The following FSTL5 variants were observed in gnomAD, a reference collection of about 807,000 sequenced individuals.
The protein encoded by FSTL5 is follistatin-related protein 5.
A neutral mutation model predicts 89.1 loss-of-function variants in FSTL5; 62 were observed. The ratio of observed to expected loss-of-function variants is 0.70; its 90% CI spans 0.57 to 0.86. FSTL5 has a LOEUF of 0.86. Among genes scored for constraint, FSTL5 ranks in the 40% least tolerant of loss-of-function variants. The pLI is 0.00. For missense variants in FSTL5, 1,057 were observed against 1,001.6 expected (o/e 1.06, Z -0.75); for synonymous variants, 383 against 346.2 (o/e 1.11, Z -1.18).
At chr4:161,952,662 C>T (rs528207639) in intron 3 of FSTL5, among the ~76,000 whole-genome samples, 4 of 151,950 alleles carry the variant, frequency 2.6e-5, no homozygotes, top group South Asian at 2.1e-4. Context: ...AAATTCAATA[C>T]ATTAATTAAA....
intron 4 of FSTL5, among the ~76,000 whole-genome samples, chr4:161,881,007 A>G (rs1210308814): frequency 6.6e-6 from 1 of 151,972 alleles, no homozygotes; most frequent in Non-Finnish European, 1.5e-5. Flanking sequence ...AAAGCGCAAT[A>G]GAAGGGTGCG....
At chr4:161,443,547 T>C (rs1357192335) in intron 15 of FSTL5, among the ~76,000 whole-genome samples, 1 of 151,926 alleles carries the variant, frequency 6.6e-6, no homozygotes, top group African/African-American at 2.4e-5. Context: ...GTATGACATT[T>C]CCTATTGGAG....
chr4:162,013,833 T>G (rs973992125), intron 3 of FSTL5, among the ~76,000 whole-genome samples: 3 of 152,082 alleles, frequency 2.0e-5, no homozygotes, highest in Admixed American at 1.3e-4. Context: ...ATGGTGGCAT[T>G]TGAAAAACTT....
At chr4:161,459,613 C>T (rs1733490591) in intron 13 of FSTL5, among the ~76,000 whole-genome samples, 1 of 152,014 alleles carries the variant, frequency 6.6e-6, no homozygotes, top group South Asian at 2.1e-4. Context: ...ACACAGCTTT[C>T]AGTTCATTCA....
At chr4:161,828,865 A>G (rs1234997477) in intron 4 of FSTL5, among the ~76,000 whole-genome samples, 1 of 152,084 alleles carries the variant, frequency 6.6e-6, no homozygotes, top group Admixed American at 6.6e-5. Flanking sequence ...ATACAAAGAA[A>G]GAACAGAGAG....
At chr4:161,688,852 C>A (rs1464463069) in intron 6 of FSTL5, among the ~76,000 whole-genome samples, 1 of 152,034 alleles carries the variant, frequency 6.6e-6, no homozygotes, top group African/African-American at 2.4e-5. Context: ...AATTATAATC[C>A]TTTTTAATTG....
chr4:161,409,677 G>A (rs1181595364), intron 15 of FSTL5, among the ~76,000 whole-genome samples: 3 of 152,154 alleles, frequency 2.0e-5, no homozygotes, highest in African/African-American at 7.2e-5. Context: ...ACCGCACCCA[G>A]ACAGGAATAT....
intron 6 of FSTL5, among the ~76,000 whole-genome samples, chr4:161,752,226 CAGATAGAT>C (rs74281503): frequency 0.021 from 2,955 of 139,038 alleles, 43 homozygotes; most frequent in Admixed American, 0.044. Flanking sequence ...GATAGATGGA[CAGATAGAT>C]AGATAGATAG....
intron 4 of FSTL5, among the ~76,000 whole-genome samples, chr4:161,908,485 T>C (rs766272048): frequency 6.6e-6 from 1 of 152,082 alleles, no homozygotes; most frequent in Non-Finnish European, 1.5e-5. Context: ...CAATTAATTA[T>C]ACTGATGCTC....
chr4:161,835,333 C>T (rs1459678845), intron 4 of FSTL5, among the ~76,000 whole-genome samples: 1 of 152,028 alleles, frequency 6.6e-6, no homozygotes, highest in African/African-American at 2.4e-5. Context: ...AACATTAGAC[C>T]TAAAACCATA....
intron 6 of FSTL5, among the ~76,000 whole-genome samples, chr4:161,703,230 A>G (rs190898770): frequency 6.6e-6 from 1 of 152,196 alleles, no homozygotes; most frequent in East Asian, 1.9e-4. Context: ...GCATTTTGTT[A>G]CAACAGCACT....
intron 2 of FSTL5, among the ~76,000 whole-genome samples, chr4:162,056,385 C>T (rs1465167263): frequency 6.6e-6 from 1 of 151,484 alleles, no homozygotes; most frequent in Non-Finnish European, 1.5e-5. Flanking sequence ...TATATTTTAG[C>T]ATGCAGGTAT....
intron 3 of FSTL5, among the ~76,000 whole-genome samples, chr4:162,019,854 A>G (rs966483260): frequency 1.1e-4 from 16 of 150,204 alleles, no homozygotes; most frequent in African/African-American, 3.4e-4. Flanking sequence ...ATATTTACAT[A>G]TAGAAGTATA....
chr4:161,775,838 TA>T (rs1741388517), intron 5 of FSTL5, 39 bp downstream of exon 5: 1 of 1,022,190 alleles, frequency 9.8e-7, no homozygotes. Context: ...TTGTGCATGC[TA>T]TATTTCAGTA....
chr4:161,471,247 G>A (rs1358199721), intron 13 of FSTL5, among the ~76,000 whole-genome samples: 1 of 152,108 alleles, frequency 6.6e-6, no homozygotes, highest in Non-Finnish European at 1.5e-5. Flanking sequence ...CTAGTTTTTT[G>A]AGTATTTTTA....
At chr4:161,648,388 A>C (rs1736224284) in intron 7 of FSTL5, among the ~76,000 whole-genome samples, 1 of 152,176 alleles carries the variant, frequency 6.6e-6, no homozygotes, top group African/African-American at 2.4e-5. Flanking sequence ...GCAGCGGGGC[A>C]TGAAGAAGTG....
chr4:161,401,686 G>A (rs1451405496), intron 15 of FSTL5, among the ~76,000 whole-genome samples: 3 of 151,872 alleles, frequency 2.0e-5, no homozygotes, highest in Non-Finnish European at 4.4e-5. Flanking sequence ...CACCATGCCC[G>A]GCTAATTTTT....
At chr4:161,860,411 G>A (rs910605688) in intron 4 of FSTL5, among the ~76,000 whole-genome samples, 2 of 152,172 alleles carry the variant, frequency 1.3e-5, no homozygotes, top group Non-Finnish European at 2.9e-5. Flanking sequence ...TATTAAGGAG[G>A]TTGGGTGTTA....
Position 161,519,475 on chromosome 4 carries a change from G to A in FSTL5, c.1313-9051C>T, listed in dbSNP as rs545381909. ...CGGGAGGTGGAGCTTGCAGTGAGCC[G>A]AGATCGCTCCACTGCACTCCAGCCT... On this transcript the variant is annotated intron_variant, in intron 10 of 15. Coordinates refer to ENST00000306100, the MANE Select transcript of FSTL5 (RefSeq NM_020116.5). 2.6e-5 allele frequency among the ~76,000 whole-genome samples: 4 copies of A among 152,160 alleles called. No homozygotes were observed. The East Asian group carries it at 5.8e-4, about 22-fold the overall frequency.
Sources: allele counts gnomAD v4.1 joint callset (sites outside exome capture counted in the v4.1 genomes callset), GRCh38; gene constraint gnomAD v4.1.1; transcripts MANE v1.5; gene names NCBI Gene and HGNC (gene_info 2026-07-23, HGNC 2026-07-21).